Variants in OSBPL6 observed in about 807,000 individuals in gnomAD.
OSBPL6 encodes the protein oxysterol binding protein like 6, also known as oxysterol-binding protein-related protein 6.
In OSBPL6, 49 loss-of-function variants were observed where a neutral mutation model predicts 125.8. The observed-to-expected ratio is 0.39, with a 90% CI of 0.31 to 0.49. The LOEUF (loss-of-function observed/expected upper bound fraction) is 0.49, where lower values mean the gene tolerates loss of function less well. Among genes scored for constraint, OSBPL6 ranks in the 20% least tolerant of loss-of-function variants. The probability of loss-of-function intolerance (pLI) is 0.88; values close to 1 mark genes in which losing one functional copy is unlikely to be tolerated. For missense variants in OSBPL6, 986 were observed against 1,135.4 expected, an observed-to-expected ratio of 0.87 and a Z score of 1.89; for synonymous variants, 394 against 391.8, an observed-to-expected ratio of 1.01 and a Z score of -0.07.
At position 178,401,704 on chromosome 2, in the gene OSBPL6, TCTTGGATATTTGTTTA is replaced by T; in HGVS notation, c.*6147_*6162del. 6.6e-6 allele frequency: 1 copy of T among 152,336 alleles called. No individual in the cohort carries two copies. Among genetic ancestry groups the T allele is most frequent in the Non-Finnish European group, 1.5e-5 (1 of 68,054 alleles). 9.4% of individuals were successfully genotyped at this position (152,336 alleles called of 1,614,324 possible). On this transcript the variant is annotated 3_prime_UTR_variant, in exon 25 of 25. Coordinates refer to ENST00000190611, the MANE Select transcript of OSBPL6 (RefSeq NM_032523.4). ...GATCCCAGGTGGGCCACGAAAATCA[TCTTGGATATTTGTTTA>T]CAGGCTGATTCCTGAGTTTCCCTCC... is the stretch of plus-strand genomic sequence containing the variant.
chr2:178,357,475 AT>A (rs1251600352), intron 12 of OSBPL6, among the ~76,000 whole-genome samples: 1 of 152,254 alleles, frequency 6.6e-6, no homozygotes, highest in Non-Finnish European at 1.5e-5. Flanking sequence ...CAACAGACAC[AT>A]GAAAAAATGC....
At chr2:178,309,243 C>T (rs901379171) in intron 3 of OSBPL6, among the ~76,000 whole-genome samples, 5 of 152,010 alleles carry the variant, frequency 3.3e-5, no homozygotes, top group East Asian at 3.9e-4. Flanking sequence ...CAATATTTGA[C>T]GGTTCTATAT....
chr2:178,354,001 A>G (rs1197871937), intron 12 of OSBPL6, among the ~76,000 whole-genome samples: 1 of 152,180 alleles, frequency 6.6e-6, no homozygotes, highest in Non-Finnish European at 1.5e-5. Context: ...CTTCATAAGA[A>G]AGAGAAATAA....
At chr2:178,252,074 T>C (rs2091715486) in intron 1 of OSBPL6, among the ~76,000 whole-genome samples, 1 of 149,154 alleles carries the variant, frequency 6.7e-6, no homozygotes, top group Non-Finnish European at 1.5e-5. Context: ...AGTAGTAGAT[T>C]GCTAGTTCTT....
chr2:178,356,594 C>T (rs570632572), intron 12 of OSBPL6, among the ~76,000 whole-genome samples: 4 of 152,268 alleles, frequency 2.6e-5, no homozygotes, highest in African/African-American at 9.6e-5. Flanking sequence ...AAAGAAGACA[C>T]AAACAAATGG....
intron 1 of OSBPL6, among the ~76,000 whole-genome samples, chr2:178,198,286 T>C (rs1349467507): frequency 1.3e-5 from 2 of 151,888 alleles, no homozygotes; most frequent in African/African-American, 4.8e-5. Context: ...ATATGAAGAA[T>C]CTTGGCGTGT....
chr2:178,340,609 C>T (rs1690110513), intron 11 of OSBPL6, among the ~76,000 whole-genome samples: 1 of 152,002 alleles, frequency 6.6e-6, no homozygotes, highest in East Asian at 1.9e-4. Context: ...CTCCTAAATG[C>T]ATATTATACA....
chr2:178,349,168 G>A (rs1691000803), intron 11 of OSBPL6, 56 bp from the exon 12 acceptor site: 4 of 1,544,476 alleles, frequency 2.6e-6, no homozygotes, highest in African/African-American at 1.4e-5. Context: ...TTCTATGTAG[G>A]AGAATGTGAA....
At chr2:178,279,474 G>T (rs907087376) in intron 1 of OSBPL6, among the ~76,000 whole-genome samples, 1 of 152,230 alleles carries the variant, frequency 6.6e-6, no homozygotes, top group Admixed American at 6.5e-5. Context: ...ACTGGTTAGT[G>T]TGGGAAATTT....
chr2:178,274,197 G>C (rs990127006), intron 1 of OSBPL6, among the ~76,000 whole-genome samples: 1 of 152,122 alleles, frequency 6.6e-6, no homozygotes, highest in Non-Finnish European at 1.5e-5. Flanking sequence ...AGATAGGCTT[G>C]CAACACTTTT....
chr2:178,285,705 T>G (rs1225905272), intron 2 of OSBPL6, among the ~76,000 whole-genome samples: 1 of 152,232 alleles, frequency 6.6e-6, no homozygotes, highest in Non-Finnish European at 1.5e-5. Context: ...CTACTGAGTT[T>G]GTGGTCTTCA....
In OSBPL6 at chr2:178,373,991, A is replaced by G. The variant is rs1483427088; in HGVS notation, c.1497A>G (p.Gln499=). Residue 499 remains glutamine, a synonymous_variant, in exon 15 of 25, where the codon CAA becomes CAG. Transcript: ENST00000190611. The stretch of plus-strand genomic sequence containing the variant: ...CTGTTTCTGAGTTCTTTGATGCCCA[A>G]GAGGTGCTCCTCTCTGCAAGTTCGT... ...SESVSEFFDA[Q]EVLLSASSSE... The G allele has an allele frequency of 1.2e-6, 2 of 1,614,126 alleles. No homozygotes were observed. Among genetic ancestry groups the G allele is most frequent in the East Asian group, 4.5e-5 (2 of 44,886 alleles).
intron 12 of OSBPL6, among the ~76,000 whole-genome samples, chr2:178,358,489 A>G (rs1692026050): frequency 6.6e-6 from 1 of 151,934 alleles, no homozygotes; most frequent in South Asian, 2.1e-4. Flanking sequence ...CCAAAAAGGC[A>G]CAATGAGAAA....
At chr2:178,340,061 T>C (rs1690068457) in intron 11 of OSBPL6, among the ~76,000 whole-genome samples, 2 of 152,116 alleles carry the variant, frequency 1.3e-5, no homozygotes, top group African/African-American at 4.8e-5. Flanking sequence ...AAAGTTACCT[T>C]AAAAATCTAG....
chr2:178,325,393 G>T (rs575043127), intron 4 of OSBPL6, among the ~76,000 whole-genome samples: 1 of 152,272 alleles, frequency 6.6e-6, no homozygotes, highest in South Asian at 2.1e-4. Flanking sequence ...AAACTGTAAA[G>T]ATATGACAAG....
At position 178,387,095 on chromosome 2, in the gene OSBPL6, G is replaced by A. The variant is rs201982642; in HGVS notation, c.2112G>A (p.Ser704=). 244 of 1,612,410 alleles carry A rather than the reference G, an allele frequency of 1.5e-4. No individual in the cohort carries two copies. Among genetic ancestry groups the A allele is most frequent in the Non-Finnish European group, 2.0e-4 (239 of 1,178,698 alleles). The part of the protein sequence containing the change: ...IRWKNKFWGK[S]MEILPVGTLN... ...GGAAAAACAAGTTCTGGGGGAAGTC[G>A]ATGGAAATCCTGCCTGTTGGAACAC... Residue 704 remains serine, a synonymous_variant, in exon 20 of 25, where the codon TCG becomes TCA. Transcript: ENST00000190611.
intron 18 of OSBPL6, among the ~76,000 whole-genome samples, chr2:178,385,200 A>G (rs1694835227): frequency 1.3e-5 from 2 of 152,150 alleles, no homozygotes; most frequent in African/African-American, 4.8e-5. Flanking sequence ...AAACCTGCAC[A>G]TTCTGCACAT....
At chr2:178,301,784 A>G (rs999536427) in intron 2 of OSBPL6, among the ~76,000 whole-genome samples, 2 of 152,166 alleles carry the variant, frequency 1.3e-5, no homozygotes, top group Non-Finnish European at 2.9e-5. Flanking sequence ...TGGTTCTGCA[A>G]TGGCTCTTTG....
intron 1 of OSBPL6, among the ~76,000 whole-genome samples, chr2:178,254,742 G>C (rs1054603766): frequency 1.3e-5 from 2 of 152,154 alleles, no homozygotes; most frequent in African/African-American, 4.8e-5. Flanking sequence ...GTAGGTAGTG[G>C]TATTTTTAAA....
Sources: allele counts gnomAD v4.1 joint callset (sites outside exome capture counted in the v4.1 genomes callset), GRCh38; gene constraint gnomAD v4.1.1; transcripts MANE v1.5; gene names NCBI Gene and HGNC (gene_info 2026-07-23, HGNC 2026-07-21).